The following ACD variants were observed in gnomAD, a reference collection of about 807,000 sequenced individuals.
ACD encodes adrenocortical dysplasia protein homolog.
ACD carries 39 observed loss-of-function variants against 53.9 expected under a neutral mutation model. The ratio of observed to expected loss-of-function variants is 0.72; its 90% CI spans 0.56 to 0.95. ACD has a LOEUF of 0.95. Ranked by LOEUF, ACD falls within the 40% of genes least tolerant of loss-of-function variation. The pLI, the probability that ACD is intolerant of heterozygous loss-of-function variation, is 0.00. For synonymous variants in ACD, 273 were observed against 249.2 expected, an observed-to-expected ratio of 1.10 and a Z score of -0.90; for missense variants, 526 against 587.9, an observed-to-expected ratio of 0.89 and a Z score of 1.09.
Position 67,659,623 on chromosome 16 carries a change from T to G in ACD, c.337-10A>C, listed in dbSNP as rs566079044. 2.2e-5 allele frequency: 35 copies of G among 1,611,950 alleles called. No individual in the cohort carries two copies. In the East Asian group the frequency reaches 4.0e-4, roughly 18 times the overall value. ...GATAGAACTCTGCGGGCTGGAGGAG[T>G]TCGGGGGGAAGGGGGGGTCTCAGAA... On this transcript the variant is annotated splice_polypyrimidine_tract_variant and intron_variant, in intron 3 of 11. Transcript: ENST00000620761.
rs1414641852 is a variant in ACD at position 67,658,103 on chromosome 16, G to A, written c.1089C>T (p.Thr363=). The A allele has an allele frequency of 1.9e-6, 3 of 1,579,930 alleles. No homozygotes were observed. The highest frequency in any genetic ancestry group is 1.7e-6 in the Non-Finnish European group (2 of 1,163,430). Residue 363 remains threonine, a synonymous_variant, in exon 10 of 12, where the codon ACC becomes ACT. Coordinates refer to ENST00000620761, the MANE Select transcript of ACD (RefSeq NM_001082486.2). ...ACTCCAGGCTAGGTTTCTGGGGCCT[G>A]GTCACAAGAGCCTGGTGTGGACTGG... The part of the protein sequence containing the change: ...HVPSPHQALV[T]RPQKPSLEFK...
chr16:67,659,379 G>A lies in ACD; in HGVS notation c.454C>T (p.Leu152Phe). 2.5e-6 allele frequency: 4 copies of A among 1,614,000 alleles called. No homozygotes were observed. Among genetic ancestry groups the A allele is most frequent in the Non-Finnish European group, 3.4e-6 (4 of 1,180,012 alleles). ...CGAGCCCAACCCCAGACTCACTCAA[G>A]GCAGTCATAGAGCTTTTTCTGAACA... ...LDVQKKLYDC[L>F]EEHLSESTSS... The change falls in exon 5 of 12, where the codon CTT becomes TTT. Residue 152 changes from leucine (L) to phenylalanine (F), a missense_variant. By Grantham distance (22) the Leu-to-Phe change is conservative. Transcript: ENST00000620761.
chr16:67,658,664 T>C (rs775595566), intron 8 of ACD, 23 bp from the exon 9 acceptor site: 3 of 1,588,510 alleles, frequency 1.9e-6, no homozygotes, highest in Admixed American at 1.7e-5. Context: ...GGAAGTCTTA[T>C]CAGCACTGTG....
Position 67,659,252 on chromosome 16 carries a change from G to T in ACD, c.470C>A (p.Ser157Ter), listed in dbSNP as rs745428657. The change falls in exon 6 of 12, where the codon TCA (serine) becomes TAA (stop). Residue 157 changes from serine to a stop codon, truncating the protein, a stop_gained. Coordinates refer to ENST00000620761, the MANE Select transcript of ACD (RefSeq NM_001082486.2). LOFTEE classifies it high-confidence loss of function. ...ACCTGCATTGGACGAGGTGGACTCTGAAAGGTGCTCCCTACAGGAAGAGAG... is the reference window on the plus strand; with the variant it reads ...ACCTGCATTGGACGAGGTGGACTCTTAAAGGTGCTCCCTACAGGAAGAGAG... Reference protein sequence around the residue: ...KLYDCLEEHLSESTSSNAGLS... With the variant: ...KLYDCLEEHL The T allele has an allele frequency of 3.7e-6, 6 of 1,614,148 alleles. No homozygotes were observed. The highest frequency in any genetic ancestry group is 5.1e-6 in the Non-Finnish European group (6 of 1,180,008).
In ACD at chr16:67,659,523, G is replaced by T; in HGVS notation, c.413+14C>A. On this transcript the variant is annotated intron_variant, in intron 4 of 11. Coordinates refer to ENST00000620761, the MANE Select transcript of ACD (RefSeq NM_001082486.2). ...GGGTGGGGAGAGCTGCTGGAGGGCG[G>T]AGGCATCACTTACCAACCAGGCACC... 1 of 1,613,198 alleles carries T rather than the reference G, an allele frequency of 6.2e-7. No individual in the cohort carries two copies. Among genetic ancestry groups the T allele is most frequent in the Non-Finnish European group, 8.5e-7 (1 of 1,179,430 alleles).
Position 67,657,688 on chromosome 16 carries a change from G to C in ACD, c.1299-4C>G. ...GGCCATGAGCTGGGGAGGAAGCCTG[G>C]AAAGAAACCACCGCTGCAGGTCAAT... On this transcript the variant is annotated splice_polypyrimidine_tract_variant and splice_region_variant and intron_variant, in intron 11 of 11. Coordinates refer to ENST00000620761, the MANE Select transcript of ACD (RefSeq NM_001082486.2). This position sits in a 1 kb window ranked among gnomAD's most constrained non-coding sequence, Gnocchi z 4.5. 3 of 1,614,142 alleles carry C rather than the reference G, an allele frequency of 1.9e-6. No homozygotes were observed. The highest frequency in any genetic ancestry group is 2.5e-6 in the Non-Finnish European group (3 of 1,180,034).
At position 67,658,719 on chromosome 16, in the gene ACD, C is replaced by A. The variant is rs919143933; in HGVS notation, c.742+1G>T. The A allele has an allele frequency of 3.7e-6, 6 of 1,610,494 alleles. No individual in the cohort carries two copies. In the Admixed American group the frequency reaches 1.0e-4, roughly 27 times the overall value. ...CCCCCAACCTCTCCAGTCCCCCTTA[C>A]CCTGTGTCCTCTGACAGGGGCCTAG... On this transcript the variant is annotated splice_donor_variant, in intron 8 of 11. Transcript: ENST00000620761. LOFTEE classifies it high-confidence loss of function.
At chr16:67,659,644 C>T in intron 3 of ACD, 31 bp from the exon 4 acceptor site, 1 of 1,613,018 alleles carries the variant, frequency 6.2e-7, no homozygotes, top group Middle Eastern at 1.6e-4. Context: ...GGGGGGGTCT[C>T]AGAATCGTCA....
rs374925782 is a variant in ACD at position 67,658,230 on chromosome 16, G to A, written c.962C>T (p.Ser321Leu). ...SSSQPSPAIC[S>L]APATLTPRSP... Reference sequence around the variant, plus strand: ...CCTGGGGGTCAGGGTGGCAGGGGCTGAGCAGATGGCTGGTGAGGGCTGGGA... The same window carrying A: ...CCTGGGGGTCAGGGTGGCAGGGGCTAAGCAGATGGCTGGTGAGGGCTGGGA... The change falls in exon 10 of 12, where the codon TCA becomes TTA. Residue 321 changes from serine to leucine, a missense_variant. Coordinates refer to ENST00000620761, the MANE Select transcript of ACD (RefSeq NM_001082486.2). The A allele has an allele frequency of 7.6e-5, 123 of 1,613,492 alleles. No individual in the cohort carries two copies. The Middle Eastern group carries it at 8.2e-4, about 11-fold the overall frequency.
chr16:67,658,157 A>G lies in ACD; in HGVS notation c.1035T>C (p.Thr345=), dbSNP rs770464499. ...CATGGCTACGGGGTGAGAGACTGGG[A>G]GTGCAGCTCTGGAGTGGGGAGCTGG... The part of the protein sequence containing the change: ...RTPSSPLQSC[T]PSLSPRSHVP... Residue 345 remains threonine, a synonymous_variant, in exon 10 of 12, where the codon ACT becomes ACC. Coordinates refer to ENST00000620761, the MANE Select transcript of ACD (RefSeq NM_001082486.2). 6 of 1,606,366 alleles carry G rather than the reference A, an allele frequency of 3.7e-6. No individual in the cohort carries two copies. Among genetic ancestry groups the G allele is most frequent in the Non-Finnish European group, 5.1e-6 (6 of 1,175,542 alleles).
rs2052902337 is a variant in ACD at position 67,657,851 on chromosome 16, T to C, written c.1209A>G (p.Glu403=). 6.2e-7 allele frequency: 1 copy of C among 1,613,854 alleles called. No homozygotes were observed. The highest frequency in any genetic ancestry group is 8.5e-7 in the Non-Finnish European group (1 of 1,179,990). Residue 403 remains glutamate (E), a splice_region_variant and synonymous_variant, in exon 11 of 12, where the codon GAA becomes GAG. Transcript: ENST00000620761. This position sits in a 1 kb window ranked among gnomAD's most constrained non-coding sequence, Gnocchi z 4.5. ...AACCATCACGATGCCTCTTTGGGGG[T>C]TCCTGAAAGGGGTATGGTGTCTGGG... The part of the protein sequence containing the change: ...RGAQEPCSVW[E]PPKRHRDGSA...
At position 67,660,215 on chromosome 16, in the gene ACD, T is replaced by G; in HGVS notation, c.6A>C (p.Ala2=). The change falls in exon 1 of 12, where the codon GCA becomes GCC. Residue 2 remains alanine (A), a synonymous_variant. Transcript: ENST00000620761. The part of the protein sequence containing the change: M[A]GSGRLVLRPW... ...GCCGTAGGACCAGCCTCCCCGAACCTGCCATCCCCACGGCTACACCCAGCG... is the reference window on the plus strand; with the variant it reads ...GCCGTAGGACCAGCCTCCCCGAACCGGCCATCCCCACGGCTACACCCAGCG... The G allele has an allele frequency of 6.2e-7, 1 of 1,612,626 alleles. No homozygotes were observed. The highest frequency in any genetic ancestry group is 2.2e-5 in the East Asian group (1 of 44,866).
chr16:67,659,557 G>C lies in ACD; in HGVS notation c.393C>G (p.Pro131=), dbSNP rs753350385. Residue 131 remains proline, a synonymous_variant, in exon 4 of 12, where the codon CCC becomes CCG. Coordinates refer to ENST00000620761, the MANE Select transcript of ACD (RefSeq NM_001082486.2). ...CTTACCAACCAGGCACCCGTAGCCGGGGCTGCTCCGTGGGCAGCAGGCTGA... is the reference window on the plus strand; with the variant it reads ...CTTACCAACCAGGCACCCGTAGCCGCGGCTGCTCCGTGGGCAGCAGGCTGA... ...DRFSLLPTEQ[P]RLRVPGCNQD... The C allele has an allele frequency of 1.2e-6, 2 of 1,613,378 alleles. No homozygotes were observed. The highest frequency in any genetic ancestry group is 4.5e-5 in the East Asian group (2 of 44,870).
chr16:67,658,995 A>T lies in ACD; in HGVS notation c.578T>A (p.Leu193Gln), dbSNP rs1312368213. The change falls in exon 7 of 12, where the codon CTG (leucine) becomes CAG (glutamine). Residue 193 changes from leucine (L) to glutamine (Q), a missense_variant. Transcript: ENST00000620761. ...GALVCLAESC[L>Q]TLEGPCTAPP... ...TGCTGTGCAAGGGCCCTCCAGTGTCAGGCAGCTTTCAGCCAGGCACACGAG... is the reference window on the plus strand; with the variant it reads ...TGCTGTGCAAGGGCCCTCCAGTGTCTGGCAGCTTTCAGCCAGGCACACGAG... The T allele has an allele frequency of 6.2e-7, 1 of 1,613,916 alleles. No homozygotes were observed.
At position 67,659,256 on chromosome 16, in the gene ACD, G is replaced by C. The variant is rs770234764; in HGVS notation, c.466C>G (p.Leu156Val). 1 of 1,614,108 alleles carries C rather than the reference G, an allele frequency of 6.2e-7. No homozygotes were observed. Among genetic ancestry groups the C allele is most frequent in the South Asian group, 1.1e-5 (1 of 91,082 alleles). The change falls in exon 6 of 12, where the codon CTT becomes GTT. Residue 156 changes from leucine to valine, a missense_variant. Physicochemically the swap from Leu to Val is conservative, Grantham distance 32. Transcript: ENST00000620761. ...GCATTGGACGAGGTGGACTCTGAAA[G>C]GTGCTCCCTACAGGAAGAGAGTGGC... ...KKLYDCLEEHLSESTSSNAGL... is the reference protein window; with the variant it reads ...KKLYDCLEEHVSESTSSNAGL...
At chr16:67,659,637 G>C in intron 3 of ACD, 24 bp from the exon 4 acceptor site, 1 of 1,613,108 alleles carries the variant, frequency 6.2e-7, no homozygotes, top group Non-Finnish European at 8.5e-7. Context: ...GGGGGAAGGG[G>C]GGGTCTCAGA....
Position 67,659,435 on chromosome 16 carries a change from G to T in ACD, c.414-16C>A, listed in dbSNP as rs1363142172. ...GTCTTGGTTGCTAAGAAAAAGAGAA[G>T]GGTAGTTAATGGGGGCCCAAGCCCT... On this transcript the variant is annotated splice_polypyrimidine_tract_variant and intron_variant, in intron 4 of 11. Coordinates refer to ENST00000620761, the MANE Select transcript of ACD (RefSeq NM_001082486.2). The T allele has an allele frequency of 1.9e-6, 3 of 1,614,040 alleles. No homozygotes were observed. Among genetic ancestry groups the T allele is most frequent in the Non-Finnish European group, 8.5e-7 (1 of 1,179,994 alleles).
intron 2 of ACD, 44 bp from the exon 3 acceptor site, chr16:67,659,839 A>G: frequency 6.3e-7 from 1 of 1,583,844 alleles, no homozygotes; most frequent in South Asian, 1.1e-5. Flanking sequence ...CCTGAACACA[A>G]GGCCCGCCCA....
chr16:67,657,811 C>G lies in ACD; in HGVS notation c.1249G>C (p.Glu417Gln). The G allele has an allele frequency of 2.5e-6, 4 of 1,614,130 alleles. No individual in the cohort carries two copies. The highest frequency in any genetic ancestry group is 3.4e-6 in the Non-Finnish European group (4 of 1,180,038). Residue 417 changes from glutamate to glutamine, a missense_variant, in exon 11 of 12, where the codon GAG (glutamate) becomes CAG (glutamine). Glu to Gln is a conservative substitution (Grantham distance 29). Coordinates refer to ENST00000620761, the MANE Select transcript of ACD (RefSeq NM_001082486.2). The surrounding 1 kb of genome is among the most constrained non-coding windows in gnomAD (Gnocchi z 4.5). ...RHRDGSAFQY[E>Q]YEPPCTSLCA... is the part of the protein sequence containing the mutation. ...AGGGACGTGCAGGGTGGCTCATACT[C>G]ATACTGGAAGGCAGAACCATCACGA... is the stretch of plus-strand genomic sequence containing the variant.
Sources: gnomAD v4.1 joint callset for allele counts on GRCh38, gnomAD v4.1.1 for gene constraint, Gnocchi (gnomAD v3.1) non-coding constraint, MANE v1.5 for transcripts, NCBI Gene and HGNC (gene_info 2026-07-23, HGNC 2026-07-21) for gene names.